Variants in CHCHD6 observed in about 807,000 individuals in gnomAD.
The protein encoded by CHCHD6 is coiled-coil-helix-coiled-coil-helix domain containing 6.
In CHCHD6, 28 loss-of-function variants were observed where a neutral mutation model predicts 32.3. That is an observed-to-expected ratio of 0.87 (90% CI 0.64 to 1.19). The LOEUF is 1.19. Among genes scored for constraint, CHCHD6 ranks in the 50% most tolerant of loss-of-function variants. The pLI, the probability that CHCHD6 is intolerant of heterozygous loss-of-function variation, is 0.00. For missense variants in CHCHD6, 333 were observed against 307.0 expected, an observed-to-expected ratio of 1.08 and a Z score of -0.63; for synonymous variants, 122 against 117.5, an observed-to-expected ratio of 1.04 and a Z score of -0.25.
intron 5 of CHCHD6, among the ~76,000 whole-genome samples, chr3:126,860,721 G>A (rs552286189): frequency 7.2e-5 from 11 of 152,266 alleles, no homozygotes; most frequent in Admixed American, 2.0e-4. Flanking sequence ...GTTCTCAGCC[G>A]TGTATTGAAA....
chr3:126,938,353 C>G (rs2107601979), intron 6 of CHCHD6, among the ~76,000 whole-genome samples: 1 of 152,316 alleles, frequency 6.6e-6, no homozygotes, highest in East Asian at 1.9e-4. Context: ...TACAGAACCG[C>G]TCTTCATCTG....
At chr3:126,863,339 T>TCAC (rs1383187240) in intron 5 of CHCHD6, among the ~76,000 whole-genome samples, 6 of 25,690 alleles carry the variant, frequency 2.3e-4, no homozygotes, top group Admixed American at 3.8e-4. Flanking sequence ...TCCTCCTCCA[T>TCAC]CACCTCCTCC....
chr3:126,736,993 GGTAT>G (rs1288572196), intron 4 of CHCHD6, among the ~76,000 whole-genome samples: 6 of 152,212 alleles, frequency 3.9e-5, no homozygotes, highest in African/African-American at 1.2e-4. Flanking sequence ...CATATTATTA[GGTAT>G]GTAATAACAC....
intron 6 of CHCHD6, among the ~76,000 whole-genome samples, chr3:126,915,037 T>A (rs2078149299): frequency 6.6e-6 from 1 of 152,264 alleles, no homozygotes; most frequent in Admixed American, 6.5e-5. Context: ...GGGGCTCCTT[T>A]CCTTGTGTGG....
chr3:126,946,382 C>T (rs895670172), intron 6 of CHCHD6, among the ~76,000 whole-genome samples: 10 of 152,130 alleles, frequency 6.6e-5, no homozygotes, highest in Non-Finnish European at 1.5e-4. Context: ...TTCTTCTTTC[C>T]GTGTGTGTGA....
chr3:126,766,612 C>T (rs1937379564), intron 4 of CHCHD6: 3 of 1,118,338 alleles, frequency 2.7e-6, no homozygotes, highest in Non-Finnish European at 4.1e-6. Context: ...GTCCCTTAGC[C>T]CAGTTCCCCG....
intron 5 of CHCHD6, among the ~76,000 whole-genome samples, chr3:126,870,990 A>G (rs2077461388): frequency 6.6e-6 from 1 of 152,176 alleles, no homozygotes; most frequent in Non-Finnish European, 1.5e-5. Context: ...GAGTCTCTTT[A>G]GTGAGTGAAT....
intron 6 of CHCHD6, among the ~76,000 whole-genome samples, chr3:126,951,278 A>T (rs1161792618): frequency 6.6e-6 from 1 of 152,238 alleles, no homozygotes; most frequent in Non-Finnish European, 1.5e-5. Context: ...TAAGTCAATT[A>T]AACCTCTTTT....
intron 4 of CHCHD6, among the ~76,000 whole-genome samples, chr3:126,745,100 G>A (rs556978607): frequency 6.6e-6 from 1 of 152,340 alleles, no homozygotes; most frequent in African/African-American, 2.4e-5. Flanking sequence ...TGGCAGAACT[G>A]TGTCGCAGGG....
At chr3:126,787,306 G>A (rs1168008457) in intron 4 of CHCHD6, among the ~76,000 whole-genome samples, 9 of 152,180 alleles carry the variant, frequency 5.9e-5, no homozygotes, top group East Asian at 1.9e-4. Context: ...TTGGCAATGC[G>A]GGCTCTTTTT....
At chr3:126,938,454 G>A (rs2078514431) in intron 6 of CHCHD6, among the ~76,000 whole-genome samples, 1 of 152,222 alleles carries the variant, frequency 6.6e-6, no homozygotes, top group African/African-American at 2.4e-5. Context: ...AGTAAGCAGA[G>A]TGCCTGGCAT....
In CHCHD6 at chr3:126,735,148, T is replaced by C. The variant is rs78903383; in HGVS notation, c.411+1926T>C. ...AGATGACGCGTTAATCAGTATGGCA[T>C]GAGCAGGAAAAGTTGGCCTCCTCTA... is the stretch of plus-strand genomic sequence containing the variant. On this transcript the variant is annotated intron_variant, in intron 4 of 7. Transcript: ENST00000290913. 1.9e-3 allele frequency among the ~76,000 whole-genome samples: 286 copies of C among 152,256 alleles called. 1 individual carries two copies. Among genetic ancestry groups the C allele is most frequent in the African/African-American group, 5.3e-3 (220 of 41,556 alleles).
intron 5 of CHCHD6, among the ~76,000 whole-genome samples, chr3:126,853,239 A>G (rs1172926019): frequency 2.0e-5 from 3 of 150,516 alleles, no homozygotes; most frequent in African/African-American, 2.5e-5. Context: ...ATTTAAAAAC[A>G]TATCATCATG....
intron 5 of CHCHD6, among the ~76,000 whole-genome samples, chr3:126,897,437 C>A (rs2077857458): frequency 1.3e-5 from 2 of 152,168 alleles, no homozygotes; most frequent in African/African-American, 2.4e-5. Flanking sequence ...ATTAACAGAG[C>A]AAACCTACTT....
intron 6 of CHCHD6, among the ~76,000 whole-genome samples, chr3:126,956,371 C>T (rs999427031): frequency 2.0e-5 from 3 of 152,212 alleles, no homozygotes; most frequent in Non-Finnish European, 4.4e-5. Context: ...TGAGCAGCAA[C>T]AGTACATCCA....
chr3:126,811,208 C>T (rs545009223), intron 4 of CHCHD6, among the ~76,000 whole-genome samples: 1 of 152,244 alleles, frequency 6.6e-6, no homozygotes, highest in Non-Finnish European at 1.5e-5. Flanking sequence ...CCATCAAGAG[C>T]TAACAAACTA....
intron 4 of CHCHD6, among the ~76,000 whole-genome samples, chr3:126,770,752 A>G (rs1937528590): frequency 6.6e-6 from 1 of 152,176 alleles, no homozygotes. Flanking sequence ...GGATTCTTGC[A>G]TCTGTGTTTA....
chr3:126,757,604 A>G (rs1268517153), intron 4 of CHCHD6, among the ~76,000 whole-genome samples: 2 of 152,264 alleles, frequency 1.3e-5, no homozygotes, highest in East Asian at 1.9e-4. Flanking sequence ...TGCTTAGTGC[A>G]TAGATATCTT....
intron 5 of CHCHD6, among the ~76,000 whole-genome samples, chr3:126,867,816 G>T (rs1942338728): frequency 6.6e-6 from 1 of 152,146 alleles, no homozygotes; most frequent in South Asian, 2.1e-4. Context: ...CTCCATGATG[G>T]TGGCTCCTTG....
Sources: allele counts gnomAD v4.1 joint callset (sites outside exome capture counted in the v4.1 genomes callset), GRCh38; gene constraint gnomAD v4.1.1; transcripts MANE v1.5; gene names NCBI Gene and HGNC (gene_info 2026-07-23, HGNC 2026-07-21).